The following ZNF121 variants were observed in gnomAD, a reference collection of about 807,000 sequenced individuals.
ZNF121 encodes the protein zinc finger protein 121 (clone ZHC32).
Under a neutral mutation model 2.4 loss-of-function variants are expected in ZNF121, and 1 was observed. That is an observed-to-expected ratio of 0.41 (90% CI 0.15 to 1.94). The LOEUF (loss-of-function observed/expected upper bound fraction) is 1.94, where lower values mean the gene tolerates loss of function less well. Among genes scored for constraint, ZNF121 ranks in the 30% most tolerant of loss-of-function variants. The probability of loss-of-function intolerance (pLI) is 0.30; values close to 1 mark genes in which losing one functional copy is unlikely to be tolerated. For synonymous variants in ZNF121, 173 were observed against 158.6 expected (o/e 1.09, Z -0.68); for missense variants, 369 against 466.3 (o/e 0.79, Z 1.92).
At position 9,567,051 on chromosome 19, in the gene ZNF121, C is replaced by T; in HGVS notation, c.62G>A (p.Ser21Asn). ...GTGTGCATTAAGGCATGAGTGTTCACTGAAGATTTCTCCATTTTCCATAAA... is the reference window on the plus strand; with the variant it reads ...GTGTGCATTAAGGCATGAGTGTTCATTGAAGATTTCTCCATTTTCCATAAA... ...CDFMENGEIF[S>N]EHSCLNAHMG... The change falls in exon 4 of 4, where the codon AGT becomes AAT. Residue 21 changes from serine (S) to asparagine (N), a missense_variant. This residue lies in a region of ZNF121 where 168 missense variants were observed against 162.3 expected (regional missense o/e 1.03). Coordinates refer to ENST00000320451, the MANE Select transcript of ZNF121 (RefSeq NM_001008727.5). 3 of 1,614,014 alleles carry T rather than the reference C, an allele frequency of 1.9e-6. No homozygotes were observed. The highest frequency in any genetic ancestry group is 2.5e-6 in the Non-Finnish European group (3 of 1,180,012).
chr19:9,578,120 G>T (rs2074224662), intron 1 of ZNF121, among the ~76,000 whole-genome samples: 1 of 152,092 alleles, frequency 6.6e-6, no homozygotes, highest in Non-Finnish European at 1.5e-5. Context: ...TACTCAGAAG[G>T]CTGAGGCAGG....
chr19:9,579,459 T>C (rs1054984783), intron 1 of ZNF121, among the ~76,000 whole-genome samples: 3 of 152,110 alleles, frequency 2.0e-5, no homozygotes, highest in African/African-American at 7.2e-5. Context: ...CCAAGGCAGG[T>C]GAATCACTTG....
intron 1 of ZNF121, among the ~76,000 whole-genome samples, chr19:9,569,501 AGT>A (rs1055612116): frequency 7.9e-5 from 12 of 152,046 alleles, no homozygotes; most frequent in Non-Finnish European, 1.5e-4. Context: ...AAATAATCCA[AGT>A]GCAAAGAGAG....
Position 9,564,089 on chromosome 19 carries a change from T to G in ZNF121, c.*1851A>C, listed in dbSNP as rs747109543. On this transcript the variant is annotated 3_prime_UTR_variant, in exon 4 of 4. Transcript: ENST00000320451. ...GAAATACATTTCATAAGGCTATAGC[T>G]GCCACTAATAATGCTTCTTCTGAGG... 2.6e-5 allele frequency: 4 copies of G among 152,222 alleles called. No homozygotes were observed. The highest frequency in any genetic ancestry group is 6.5e-5 in the Admixed American group (1 of 15,278). 9.4% of individuals were successfully genotyped at this position (152,222 alleles called of 1,614,324 possible).
At chr19:9,574,738 C>T (rs1413915283) in intron 1 of ZNF121, among the ~76,000 whole-genome samples, 8 of 152,204 alleles carry the variant, frequency 5.3e-5, no homozygotes. Context: ...GGAATAGGAA[C>T]AGGCTATGAC....
At chr19:9,573,267 A>C (rs1353964204) in intron 1 of ZNF121, among the ~76,000 whole-genome samples, 1 of 152,212 alleles carries the variant, frequency 6.6e-6, no homozygotes, top group Admixed American at 6.5e-5. Context: ...GTGATCTCCA[A>C]AATAACACAG....
chr19:9,566,554 GGTGTGAAGAAACA>G lies in ZNF121; in HGVS notation c.546_558del (p.Val183Ter). ...GTATGAATTCTTACATGTTCAACTA[GGTGTGAAGAAACA>G]GTGAAGCATTTCCCACATTCCTTAC... On this transcript the variant is annotated frameshift_variant, in exon 4 of 4. Coordinates refer to ENST00000320451, the MANE Select transcript of ZNF121 (RefSeq NM_001008727.5). LOFTEE classifies it low-confidence loss of function (END_TRUNC). The G allele has an allele frequency of 1.9e-6, 3 of 1,614,166 alleles. No individual in the cohort carries two copies. Among genetic ancestry groups the G allele is most frequent in the Non-Finnish European group, 2.5e-6 (3 of 1,180,020 alleles).
chr19:9,580,424 C>T (rs538831754), intron 1 of ZNF121, among the ~76,000 whole-genome samples: 14 of 150,914 alleles, frequency 9.3e-5, no homozygotes, highest in African/African-American at 2.4e-4. Context: ...CCACTAAAAA[C>T]GAGCAATGAG....
rs541360922 is a variant in ZNF121, at chr19:9,562,791, C to G, written c.*3149G>C. On this transcript the variant is annotated 3_prime_UTR_variant, in exon 4 of 4. Transcript: ENST00000320451. ...TAAGAGCCAGGTGCAGTGGCTCACA[C>G]CTGTAATCCCAGAGTGTTGGGAGGC... 2.0e-5 allele frequency: 3 copies of G among 151,174 alleles called. No homozygotes were observed. In the South Asian group the frequency reaches 6.3e-4, roughly 32 times the overall value. 9.4% of individuals were successfully genotyped at this position (151,174 alleles called of 1,614,324 possible). A position where few individuals can be genotyped will look rare whatever the true frequency, so the allele number is the denominator to read the frequency against.
chr19:9,562,937 C>T lies in ZNF121; in HGVS notation c.*3003G>A, dbSNP rs2074109054. 1 of 148,172 alleles carries T rather than the reference C, an allele frequency of 6.7e-6. No homozygotes were observed. Among genetic ancestry groups the T allele is most frequent in the African/African-American group, 2.5e-5 (1 of 40,108 alleles). The allele number at this position is 148,172 out of a possible 1,614,324, so 9.2% of individuals were successfully genotyped here. On this transcript the variant is annotated 3_prime_UTR_variant, in exon 4 of 4. Transcript: ENST00000320451. Reference sequence around the variant, plus strand: ...AATTAGCTGGCCATGGTGGTGCACACCTGCAGTCTTTAGCTACTCAGGAGA... The same window carrying T: ...AATTAGCTGGCCATGGTGGTGCACATCTGCAGTCTTTAGCTACTCAGGAGA...
chr19:9,565,274 C>T lies in ZNF121; in HGVS notation c.*666G>A, dbSNP rs2074121617. On this transcript the variant is annotated 3_prime_UTR_variant, in exon 4 of 4. Coordinates refer to ENST00000320451, the MANE Select transcript of ZNF121 (RefSeq NM_001008727.5). ...TTCTGTGTTTTCTACATTGTATGGCCCCATGGTGAGTTCTCAAATGTTGGA... is the reference window on the plus strand; with the variant it reads ...TTCTGTGTTTTCTACATTGTATGGCTCCATGGTGAGTTCTCAAATGTTGGA... 6.9e-6 allele frequency: 1 copy of T among 143,930 alleles called. No homozygotes were observed. Among genetic ancestry groups the T allele is most frequent in the African/African-American group, 2.6e-5 (1 of 38,758 alleles). 8.9% of individuals were successfully genotyped at this position (143,930 alleles called of 1,614,324 possible).
chr19:9,579,988 TG>T (rs2074237553), intron 1 of ZNF121, among the ~76,000 whole-genome samples: 1 of 152,136 alleles, frequency 6.6e-6, no homozygotes. Flanking sequence ...ACCATGTCTG[TG>T]GGTAAAGATA....
chr19:9,565,713 TAA>T lies in ZNF121; in HGVS notation c.*225_*226del. 6.1e-6 allele frequency: 1 copy of T among 163,608 alleles called. No homozygotes were observed. Among genetic ancestry groups the T allele is most frequent in the Non-Finnish European group, 1.1e-5 (1 of 89,446 alleles). 10.1% of individuals were successfully genotyped at this position (163,608 alleles called of 1,614,324 possible). On this transcript the variant is annotated 3_prime_UTR_variant, in exon 4 of 4. Transcript: ENST00000320451. ...TAAAATAAAATAAAATAAAATAAAA[TAA>T]AATAATAAAAAAAGATTCCATTGGC... is the stretch of plus-strand genomic sequence containing the variant.
intron 1 of ZNF121, among the ~76,000 whole-genome samples, chr19:9,569,540 T>C (rs576434836): frequency 1.3e-5 from 2 of 151,280 alleles, no homozygotes; most frequent in East Asian, 1.9e-4. Context: ...CTGGTTTTGT[T>C]TTTTTTTTTG....
rs143029605 is a variant in ZNF121 at position 9,578,781 on chromosome 19, A to G, written c.-160+5680T>C. 2.6e-3 allele frequency among the ~76,000 whole-genome samples: 396 copies of G among 152,108 alleles called. 3 individuals are homozygous for G. The highest frequency in any genetic ancestry group is 9.0e-3 in the African/African-American group (373 of 41,520). On this transcript the variant is annotated intron_variant, in intron 1 of 3. Transcript: ENST00000320451. ...ATCCAGGACATTGGTCTGGGTAAAG[A>G]TTTCTTGGGTAAGACCTCAACAGCA...
intron 2 of ZNF121, among the ~76,000 whole-genome samples, chr19:9,568,399 G>A (rs12459761): frequency 0.033 from 4,975 of 150,644 alleles, 183 homozygotes; most frequent in South Asian, 0.1. Context: ...ACAGAGTCTC[G>A]CTCTGTCACC....
At position 9,562,802 on chromosome 19, in the gene ZNF121, A is replaced by T. The variant is rs978417590; in HGVS notation, c.*3138T>A. Reference sequence around the variant, plus strand: ...TGCAGTGGCTCACACCTGTAATCCCAGAGTGTTGGGAGGCAGATAGGGGAG... The same window carrying T: ...TGCAGTGGCTCACACCTGTAATCCCTGAGTGTTGGGAGGCAGATAGGGGAG... On this transcript the variant is annotated 3_prime_UTR_variant, in exon 4 of 4. Coordinates refer to ENST00000320451, the MANE Select transcript of ZNF121 (RefSeq NM_001008727.5). 2 of 150,746 alleles carry T rather than the reference A, an allele frequency of 1.3e-5. No individual in the cohort carries two copies. Among genetic ancestry groups the T allele is most frequent in the Admixed American group, 6.7e-5 (1 of 15,006 alleles). The allele number at this position is 150,746 out of a possible 1,614,324, so 9.3% of individuals were successfully genotyped here.
rs2074132458 is a variant in ZNF121, at chr19:9,566,447, G to A, written c.666C>T (p.His222=). 6.2e-7 allele frequency: 1 copy of A among 1,613,986 alleles called. No individual in the cohort carries two copies. Among genetic ancestry groups the A allele is most frequent in the Non-Finnish European group, 8.5e-7 (1 of 1,179,972 alleles). The change falls in exon 4 of 4, where the codon CAC becomes CAT. Residue 222 remains histidine, a synonymous_variant. Transcript: ENST00000320451. ...RSGLTKHVRI[H]TGEKPYECNE... Reference sequence around the variant, plus strand: ...TACATTCATAGGGCTTCTCTCCAGTGTGTATTCGTACATGTTTAGTAAGGC... The same window carrying A: ...TACATTCATAGGGCTTCTCTCCAGTATGTATTCGTACATGTTTAGTAAGGC...
At chr19:9,569,243 ATC>A (rs1253185463) in intron 1 of ZNF121, among the ~76,000 whole-genome samples, 161 bp from the exon 2 acceptor site, 1 of 152,190 alleles carries the variant, frequency 6.6e-6, no homozygotes, top group African/African-American at 2.4e-5. Context: ...GGAGTTGGTT[ATC>A]TCTGACCAAA....
Sources: allele counts gnomAD v4.1 joint callset (sites outside exome capture counted in the v4.1 genomes callset), GRCh38; gene constraint gnomAD v4.1.1; regional missense constraint gnomAD v4.1.1; transcripts MANE v1.5; gene names NCBI Gene and HGNC (gene_info 2026-07-23, HGNC 2026-07-21).